IL1R2: variants seen among roughly 807,000 people sequenced by gnomAD.
IL1R2 encodes interleukin-1 receptor type 2.
In IL1R2, 46 loss-of-function variants were observed where a neutral mutation model predicts 39.5. That is an observed-to-expected ratio of 1.16 (90% confidence interval 0.92 to 1.49). The LOEUF (loss-of-function observed/expected upper bound fraction) is 1.49. Ranked by LOEUF, IL1R2 falls within the 40% of genes most tolerant of loss-of-function variation. The pLI is 0.00. For missense variants in IL1R2, 537 were observed against 502.0 expected (o/e 1.07, Z -0.67); for synonymous variants, 207 against 189.6 (o/e 1.09, Z -0.75).
rs141322771 is a variant in IL1R2 at position 101,997,078 on chromosome 2, G to A, written c.-62+5067G>A. 4.3e-4 allele frequency among the ~76,000 whole-genome samples: 66 copies of A among 152,282 alleles called. 1 individual carries two copies. The East Asian group carries it at 0.013, about 29-fold the overall frequency. ...AGAAGAGGGGGACATTGTGTCCCCA[G>A]GGAGTGGTGGGCAGCTGATCCACAC... is the stretch of plus-strand genomic sequence containing the variant. On this transcript the variant is annotated intron_variant, in intron 1 of 8. Transcript: ENST00000332549.
chr2:102,026,501 G>A (rs1364155295), intron 8 of IL1R2, among the ~76,000 whole-genome samples: 1 of 152,188 alleles, frequency 6.6e-6, no homozygotes, highest in Non-Finnish European at 1.5e-5. Flanking sequence ...GGATGAAATG[G>A]TTCTACAGTA....
intron 1 of IL1R2, among the ~76,000 whole-genome samples, chr2:102,001,005 A>C (rs947712169): frequency 1.3e-5 from 2 of 152,050 alleles, no homozygotes; most frequent in African/African-American, 4.8e-5. Context: ...ATTTTGGAGG[A>C]GGATGGTAAC....
At chr2:102,004,245 T>C (rs938948403) in intron 1 of IL1R2, among the ~76,000 whole-genome samples, 2 of 152,184 alleles carry the variant, frequency 1.3e-5, no homozygotes, top group African/African-American at 4.8e-5. Context: ...TTAGGCTATA[T>C]GTACTGTCTA....
chr2:102,002,463 C>CTGTCTG (rs72407418), intron 1 of IL1R2, among the ~76,000 whole-genome samples: 37,332 of 142,906 alleles, frequency 0.26, 4,765 homozygotes, highest in Admixed American at 0.29. Flanking sequence ...GTCTATGTCT[C>CTGTCTG]TGTCTGTGTC....
At chr2:102,018,869 T>C (rs931672381) in intron 4 of IL1R2, among the ~76,000 whole-genome samples, 5 of 152,242 alleles carry the variant, frequency 3.3e-5, no homozygotes, top group East Asian at 1.9e-4. Context: ...ATTAAATATG[T>C]TCTAAAGTGG....
At chr2:102,028,129 C>A in intron 8 of IL1R2, 97 bp from the exon 9 acceptor site, 1 of 1,059,486 alleles carries the variant, frequency 9.4e-7, no homozygotes, top group Non-Finnish European at 1.3e-6. Flanking sequence ...GAAAAACAAA[C>A]TCCAATTTCT....
At chr2:102,020,108 C>T (rs181286412) in intron 5 of IL1R2, among the ~76,000 whole-genome samples, 2 of 152,294 alleles carry the variant, frequency 1.3e-5, no homozygotes, top group East Asian at 3.9e-4. Context: ...GTAGAAGGTA[C>T]CCTTGGAAAG....
At chr2:102,017,462 T>C (rs1677080664) in intron 4 of IL1R2, among the ~76,000 whole-genome samples, 2 of 150,962 alleles carry the variant, frequency 1.3e-5, no homozygotes, top group South Asian at 2.1e-4. Flanking sequence ...ATGAACACAA[T>C]TTATTCCCTT....
At chr2:101,998,404 C>T (rs1675691288) in intron 1 of IL1R2, among the ~76,000 whole-genome samples, 1 of 152,174 alleles carries the variant, frequency 6.6e-6, no homozygotes. Flanking sequence ...TAGCCTTCTC[C>T]CTCTTTCCAA....
In IL1R2 at chr2:102,024,631, G is replaced by A. The variant is rs1374993668; in HGVS notation, c.850G>A (p.Ala284Thr). The A allele has an allele frequency of 1.8e-5, 29 of 1,613,976 alleles. No individual in the cohort carries two copies. Among genetic ancestry groups the A allele is most frequent in the South Asian group, 3.3e-5 (3 of 91,084 alleles). ...WTANDTHIES[A>T]YPGGRVTEGP... ...GGCCAATGACACCCACATAGAGAGC[G>A]CCTACCCGGGAGGCCGCGTGACCGA... The change falls in exon 7 of 9, where the codon GCC becomes ACC. Residue 284 changes from alanine to threonine, a missense_variant. By Grantham distance (58) the Ala-to-Thr change is moderately conservative. Coordinates refer to ENST00000332549, the MANE Select transcript of IL1R2 (RefSeq NM_004633.4).
chr2:102,003,694 A>G (rs1676066183), intron 1 of IL1R2, among the ~76,000 whole-genome samples: 2 of 136,514 alleles, frequency 1.5e-5, no homozygotes, highest in African/African-American at 5.6e-5. Context: ...GTCGGTGTCT[A>G]GGCCTATGTC....
chr2:102,008,769 T>G (rs1676427887), intron 2 of IL1R2, 127 bp downstream of exon 2: 1 of 765,344 alleles, frequency 1.3e-6, no homozygotes, highest in South Asian at 1.5e-5. Context: ...CCGGCTGTAA[T>G]GTTAGTACTT....
Position 102,022,189 on chromosome 2 carries a change from A to G in IL1R2, c.691A>G (p.Lys231Glu). ...TCTTTTCCTTACATCTTTCTCAGAA[A>G]AAAAAGAAGAGACCATTCCTGTGAT... ...TRSIELRIKK[K>E]KEETIPVIIS... The change falls in exon 6 of 9, where the codon AAA becomes GAA. Residue 231 changes from lysine (K) to glutamate (E), a missense_variant and splice_region_variant. By Grantham distance (56) the Lys-to-Glu change is moderately conservative (BLOSUM62 1). Transcript: ENST00000332549. 1 of 1,612,776 alleles carries G rather than the reference A, an allele frequency of 6.2e-7. No homozygotes were observed. Among genetic ancestry groups the G allele is most frequent in the Non-Finnish European group, 8.5e-7 (1 of 1,178,726 alleles).
intron 1 of IL1R2, among the ~76,000 whole-genome samples, chr2:101,996,173 TA>T (rs930773548): frequency 3.5e-5 from 5 of 142,596 alleles, no homozygotes; most frequent in African/African-American, 1.0e-4. Flanking sequence ...GTTACCCAGT[TA>T]GCTCATTTGG....
At chr2:102,008,847 C>G (rs1033149412) in intron 2 of IL1R2, among the ~76,000 whole-genome samples, 7 of 143,050 alleles carry the variant, frequency 4.9e-5, no homozygotes, top group Admixed American at 2.1e-4. Flanking sequence ...CATAGAGAGA[C>G]CCACGTCTCT....
chr2:102,013,683 T>C (rs1676809072), intron 3 of IL1R2, among the ~76,000 whole-genome samples: 1 of 151,784 alleles, frequency 6.6e-6, no homozygotes, highest in African/African-American at 2.4e-5. Flanking sequence ...CAAGGGCTTA[T>C]TTCTTACACA....
rs1676994671 is a variant in IL1R2, at chr2:102,016,212, G to T, written c.513+161G>T. The T allele has an allele frequency of 1.5e-5, 8 of 524,848 alleles. No individual in the cohort carries two copies. The Admixed American group carries it at 2.5e-4, about 16-fold the overall frequency. 32.5% of individuals were successfully genotyped at this position (524,848 alleles called of 1,614,324 possible). A position where few individuals can be genotyped will look rare whatever the true frequency, so the allele number is the denominator to read the frequency against. ...TCATATCTGTGAGTTCCACATCCTG[G>T]GATTCAACCAACCTGGGATTGAAAA... On this transcript the variant is annotated intron_variant, in intron 4 of 8. Transcript: ENST00000332549.
In IL1R2 at chr2:102,003,970, G is replaced by C. The variant is rs575265963; in HGVS notation, c.-61-4545G>C. Among the ~76,000 whole-genome samples, 69 of 149,402 alleles carry C rather than the reference G, an allele frequency of 4.6e-4. 1 individual carries two copies. Among genetic ancestry groups the C allele is most frequent in the Non-Finnish European group, 7.0e-4 (47 of 66,756 alleles). On this transcript the variant is annotated intron_variant, in intron 1 of 8. Coordinates refer to ENST00000332549, the MANE Select transcript of IL1R2 (RefSeq NM_004633.4). ...GTGTCTGTGTCTGTGTCTAGGTCTA[G>C]GTCTTGGTCTCGGTCTGGGTCTATG... is the stretch of plus-strand genomic sequence containing the variant.
At chr2:102,008,663 A>G (rs375800390) in intron 2 of IL1R2, 21 bp downstream of exon 2, 80 of 1,604,296 alleles carry the variant, frequency 5.0e-5, no homozygotes, top group Non-Finnish European at 5.9e-5. Context: ...AACCTTTCAG[A>G]TGCAAAAAGG....
Sources: gnomAD v4.1 joint callset for allele counts (sites outside exome capture counted in the v4.1 genomes callset) on GRCh38, gnomAD v4.1.1 for gene constraint, MANE v1.5 for transcripts, NCBI Gene and HGNC (gene_info 2026-07-23, HGNC 2026-07-21) for gene names.